EDNRA: variants seen among roughly 807,000 people sequenced by gnomAD.
The protein encoded by EDNRA is endothelin-1 receptor.
Under a neutral mutation model 41.4 loss-of-function variants are expected in EDNRA, and 11 were observed. The observed-to-expected ratio is 0.27, with a 90% confidence interval of 0.17 to 0.44. EDNRA has a LOEUF of 0.44. Among genes scored for constraint, EDNRA ranks in the 20% least tolerant of loss-of-function variants. The pLI is 1.00. For synonymous variants in EDNRA, 172 were observed against 183.0 expected, an observed-to-expected ratio of 0.94 and a Z score of 0.49; for missense variants, 294 against 531.0, an observed-to-expected ratio of 0.55 and a Z score of 4.39.
At chr4:147,532,994 TG>T (rs35932664) in intron 4 of EDNRA, among the ~76,000 whole-genome samples, 42 of 125,672 alleles carry the variant, frequency 3.3e-4, no homozygotes, top group African/African-American at 1.4e-3. Context: ...GATGTGTGTG[TG>T]TGTGTGTGTA....
intron 2 of EDNRA, chr4:147,491,053 G>A (rs1407248461): frequency 6.6e-6 from 1 of 152,168 alleles, no homozygotes; most frequent in East Asian, 1.9e-4. Context: ...TCTCCACTTA[G>A]CATGTGGCAC....
intron 3 of EDNRA, among the ~76,000 whole-genome samples, chr4:147,532,017 CAA>C (rs35034877): frequency 2.7e-4 from 31 of 113,574 alleles, no homozygotes; most frequent in South Asian, 3.0e-4. Context: ...GACTCAGTCT[CAA>C]AAAAAAAAAA....
rs746426917 is a variant in EDNRA at position 147,540,408 on chromosome 4, A to G, written c.1066A>G (p.Asn356Asp). Residue 356 changes from asparagine (N) to aspartate (D), a missense_variant, in exon 7 of 8, where the codon AAC becomes GAC. This residue lies in a region of EDNRA where 185 missense variants were observed against 390.8 expected (regional missense o/e 0.47). Transcript: ENST00000651419. ...ACTGCTCATGGATTACATCGGTATT[A>G]ACTTGGCAACCATGAATTCATGTAT... Reference protein sequence around the residue: ...FLLLMDYIGINLATMNSCINP... With the variant: ...FLLLMDYIGIDLATMNSCINP... 1.2e-5 allele frequency: 19 copies of G among 1,613,594 alleles called. No homozygotes were observed. The Admixed American group carries it at 3.2e-4, about 27-fold the overall frequency.
intron 7 of EDNRA, among the ~76,000 whole-genome samples, chr4:147,541,728 T>C (rs1181902165): frequency 6.6e-6 from 1 of 152,166 alleles, no homozygotes; most frequent in Non-Finnish European, 1.5e-5. Flanking sequence ...GTATGGAAGT[T>C]TGGGGCCGTA....
At chr4:147,530,904 T>C (rs1416193016) in intron 3 of EDNRA, among the ~76,000 whole-genome samples, 5 of 152,204 alleles carry the variant, frequency 3.3e-5, no homozygotes, top group South Asian at 2.1e-4. Context: ...TCTGGCACTA[T>C]CTAATGAAAA....
chr4:147,497,146 CTTCT>C (rs1384049335), intron 2 of EDNRA, among the ~76,000 whole-genome samples: 33 of 100,858 alleles, frequency 3.3e-4, no homozygotes, highest in African/African-American at 1.3e-3. Context: ...CAATAGAATT[CTTCT>C]TTTTTTTTTT....
intron 4 of EDNRA, 103 bp from the exon 5 acceptor site, chr4:147,535,774 T>G (rs755222668): frequency 6.7e-5 from 93 of 1,394,182 alleles, no homozygotes; most frequent in Non-Finnish European, 8.7e-5. Context: ...ATTTTACAGA[T>G]GTATCTGCAA....
chr4:147,515,306 A>C (rs1265652091), intron 2 of EDNRA, among the ~76,000 whole-genome samples: 1 of 152,058 alleles, frequency 6.6e-6, no homozygotes, highest in Non-Finnish European at 1.5e-5. Context: ...CGAGTAGCAC[A>C]CCCACCCCCA....
chr4:147,525,484 T>A (rs1303260469), intron 3 of EDNRA, among the ~76,000 whole-genome samples: 1 of 151,816 alleles, frequency 6.6e-6, no homozygotes, highest in Non-Finnish European at 1.5e-5. Flanking sequence ...CTATAATGAA[T>A]AAACTTTTCC....
chr4:147,535,500 A>C (rs138411685), intron 4 of EDNRA, among the ~76,000 whole-genome samples: 18 of 152,358 alleles, frequency 1.2e-4, no homozygotes, highest in African/African-American at 4.3e-4. Flanking sequence ...GTTCATCCAG[A>C]AATAAAGATA....
intron 2 of EDNRA, among the ~76,000 whole-genome samples, chr4:147,511,527 T>A (rs1427388301): frequency 6.6e-6 from 1 of 152,204 alleles, no homozygotes; most frequent in African/African-American, 2.4e-5. Flanking sequence ...CATGACACAT[T>A]TTACAATAAA....
chr4:147,489,468 A>T (rs1330695011), intron 2 of EDNRA: 2 of 152,230 alleles, frequency 1.3e-5, no homozygotes, highest in African/African-American at 4.8e-5. Context: ...TTACAAGAAG[A>T]AGAAGAAGGC....
Position 147,486,072 on chromosome 4 carries a change from G to A in EDNRA, c.391G>A (p.Val131Ile). 2 of 1,613,766 alleles carry A rather than the reference G, an allele frequency of 1.2e-6. No individual in the cohort carries two copies. The highest frequency in any genetic ancestry group is 1.7e-6 in the Non-Finnish European group (2 of 1,179,750). ...TGCCCTTGGAGACCTTATCTATGTG[G>A]TCATTGATCTCCCTATCAATGTATT... ...SLALGDLIYV[V>I]IDLPINVFKL... The change falls in exon 2 of 8, where the codon GTC becomes ATC. Residue 131 changes from valine (V) to isoleucine (I), a missense_variant. Around this residue, in one of 3 missense-constraint regions of EDNRA, gnomAD observed 185 missense variants for 390.8 expected, o/e 0.47. Coordinates refer to ENST00000651419, the MANE Select transcript of EDNRA (RefSeq NM_001957.4). The surrounding 1 kb of genome is among the most constrained non-coding windows in gnomAD (Gnocchi z 4.3).
rs764966380 is a variant in EDNRA at position 147,486,009 on chromosome 4, T to C, written c.328T>C (p.Cys110Arg). 6.2e-7 allele frequency: 1 copy of C among 1,614,204 alleles called. No homozygotes were observed. ...GCTCAGGATCATTTACCAGAACAAA[T>C]GTATGAGGAATGGCCCCAACGCGCT... is the stretch of plus-strand genomic sequence containing the variant. ...TLLRIIYQNKCMRNGPNALIA... is the reference protein window; with the variant it reads ...TLLRIIYQNKRMRNGPNALIA... The change falls in exon 2 of 8, where the codon TGT (cysteine) becomes CGT (arginine). Residue 110 changes from cysteine to arginine, a missense_variant. Cys to Arg is a radical substitution (Grantham distance 180, BLOSUM62 -3). This residue lies in a region of EDNRA where 185 missense variants were observed against 390.8 expected (regional missense o/e 0.47). Transcript: ENST00000651419. The surrounding 1 kb of genome is among the most constrained non-coding windows in gnomAD (Gnocchi z 4.3).
intron 1 of EDNRA, among the ~76,000 whole-genome samples, chr4:147,482,421 C>T (rs1407781090): frequency 2.6e-5 from 4 of 152,156 alleles, no homozygotes; most frequent in African/African-American, 4.8e-5. Context: ...AATCTATAGA[C>T]CATGTCCTTC....
intron 7 of EDNRA, among the ~76,000 whole-genome samples, chr4:147,541,067 CAAAAAAAAAAAAAAAA>C (rs10551607): frequency 1.3e-4 from 6 of 46,174 alleles, no homozygotes; most frequent in Non-Finnish European, 1.8e-4. Context: ...GACTCAGTCT[CAAAAAAAAAAAAAAAA>C]AAAAAAAAAA....
At chr4:147,523,467 T>TTTGTTTG (rs371661090) in intron 3 of EDNRA, among the ~76,000 whole-genome samples, 4 of 148,842 alleles carry the variant, frequency 2.7e-5, no homozygotes, top group Admixed American at 6.6e-5. Flanking sequence ...GTTTGTTTTT[T>TTTGTTTG]TTTGTTGTTG....
intron 2 of EDNRA, among the ~76,000 whole-genome samples, chr4:147,510,620 TATG>T (rs1729886667): frequency 6.6e-6 from 1 of 152,224 alleles, no homozygotes; most frequent in Admixed American, 6.5e-5. Flanking sequence ...ATGTATACAA[TATG>T]ATGCTTACAG....
chr4:147,503,736 A>G (rs1387424166), intron 2 of EDNRA, among the ~76,000 whole-genome samples: 1 of 152,204 alleles, frequency 6.6e-6, no homozygotes, highest in Non-Finnish European at 1.5e-5. Context: ...CACAGTATTA[A>G]TCTAGATCAG....
Sources: gnomAD v4.1 joint callset for allele counts (sites outside exome capture counted in the v4.1 genomes callset) on GRCh38, gnomAD v4.1.1 for gene constraint, gnomAD v4.1.1 regional missense constraint, Gnocchi (gnomAD v3.1) non-coding constraint, MANE v1.5 for transcripts, NCBI Gene and HGNC (gene_info 2026-07-23, HGNC 2026-07-21) for gene names.